SC5D: variants seen among roughly 807,000 people sequenced by gnomAD.
SC5D encodes lathosterol oxidase.
Under a neutral mutation model 23.9 loss-of-function variants are expected in SC5D, and 21 were observed. That is an observed-to-expected ratio of 0.88 (90% CI 0.62 to 1.26). The LOEUF (loss-of-function observed/expected upper bound fraction) is 1.26. Ranked by LOEUF, SC5D falls within the 50% of genes most tolerant of loss-of-function variation. The pLI is 0.00. For synonymous variants in SC5D, 113 were observed against 125.9 expected (o/e 0.90, Z 0.68); for missense variants, 309 against 364.8 (o/e 0.85, Z 1.25).
chr11:121,307,462 G>A lies in SC5D; in HGVS notation c.850G>A (p.Gly284Ser), dbSNP rs745732638. 1 of 1,608,930 alleles carries A rather than the reference G, an allele frequency of 6.2e-7. No individual in the cohort carries two copies. The highest frequency in any genetic ancestry group is 8.5e-7 in the Non-Finnish European group (1 of 1,178,304). ...AAAGCGCAGCAGCCATTCAGGAAATGGCTGTAAGAATGAAAAATTATTCAA... is the reference window on the plus strand; with the variant it reads ...AAAGCGCAGCAGCCATTCAGGAAATAGCTGTAAGAATGAAAAATTATTCAA... ...EGKRSSHSGN[G>S]CKNEKLFNGE... is the part of the protein sequence containing the mutation. The change falls in exon 5 of 5, where the codon GGC becomes AGC. Residue 284 changes from glycine (G) to serine (S), a missense_variant. By Grantham distance (56) the Gly-to-Ser change is moderately conservative. Coordinates refer to ENST00000264027, the MANE Select transcript of SC5D (RefSeq NM_006918.5).
intron 1 of SC5D, among the ~76,000 whole-genome samples, chr11:121,299,381 G>A (rs1033399401): frequency 3.3e-5 from 5 of 152,102 alleles, no homozygotes; most frequent in Admixed American, 6.5e-5. Flanking sequence ...ACATGCACAA[G>A]TATTTAACTT....
intron 1 of SC5D, among the ~76,000 whole-genome samples, chr11:121,295,411 C>T (rs959656291): frequency 1.3e-5 from 2 of 152,180 alleles, no homozygotes; most frequent in Non-Finnish European, 2.9e-5. Context: ...ATTAGCCTTC[C>T]ACTGAATGCA....
rs561005524 is a variant in SC5D, at chr11:121,295,468, G to A, written c.-11+2652G>A. ...AATCTGCATGTTTACATAAACAATAGGGCAGAGGAAGCAATCAGAAATCCA... is the reference window on the plus strand; with the variant it reads ...AATCTGCATGTTTACATAAACAATAAGGCAGAGGAAGCAATCAGAAATCCA... On this transcript the variant is annotated intron_variant, in intron 1 of 4. Coordinates refer to ENST00000264027, the MANE Select transcript of SC5D (RefSeq NM_006918.5). Among the ~76,000 whole-genome samples, 24 of 152,304 alleles carry A rather than the reference G, an allele frequency of 1.6e-4. No individual in the cohort carries two copies. In the South Asian group the frequency reaches 5.0e-3, roughly 32 times the overall value.
At chr11:121,303,842 G>T in intron 2 of SC5D, 1 of 387,854 alleles carries the variant, frequency 2.6e-6, no homozygotes. Flanking sequence ...TTTTTATGCT[G>T]ATATTGATGA....
rs1022575675 is a variant in SC5D at position 121,312,754 on chromosome 11, G to GTA, written c.*5253_*5254dup. Among the ~76,000 whole-genome samples the GTA allele has an allele frequency of 2.6e-5, 4 of 151,576 alleles. No individual in the cohort carries two copies. Among genetic ancestry groups the GTA allele is most frequent in the Non-Finnish European group, 4.4e-5 (3 of 67,876 alleles). On this transcript the variant is annotated 3_prime_UTR_variant, in exon 5 of 5. Coordinates refer to ENST00000264027, the MANE Select transcript of SC5D (RefSeq NM_006918.5). The stretch of plus-strand genomic sequence containing the variant: ...AGACCCTATCTCTAAAAATAAAAAA[G>GTA]TATATATATATAAAAATATCTTCCT...
At chr11:121,306,005 T>G (rs1947961596) in intron 3 of SC5D, 1 of 250,214 alleles carries the variant, frequency 4.0e-6, no homozygotes, top group Non-Finnish European at 7.8e-6. Flanking sequence ...TTTAAAGTAT[T>G]TAGTGGAAAG....
intron 1 of SC5D, among the ~76,000 whole-genome samples, chr11:121,298,841 A>T (rs1947907671): frequency 6.6e-6 from 1 of 152,204 alleles, no homozygotes; most frequent in Non-Finnish European, 1.5e-5. Flanking sequence ...GGGGTGGGGC[A>T]GTTTTGAAGG....
rs1375736694 is a variant in SC5D at position 121,310,551 on chromosome 11, G to A, written c.*3039G>A. ...TGGTTCACTGCAAGCTCCACCTCCCGGGTTCACGCCATTCTCCTGCCTCAG... is the reference window on the plus strand; with the variant it reads ...TGGTTCACTGCAAGCTCCACCTCCCAGGTTCACGCCATTCTCCTGCCTCAG... On this transcript the variant is annotated 3_prime_UTR_variant, in exon 5 of 5. Coordinates refer to ENST00000264027, the MANE Select transcript of SC5D (RefSeq NM_006918.5). 3.4e-5 allele frequency among the ~76,000 whole-genome samples: 5 copies of A among 148,606 alleles called. No individual in the cohort carries two copies. Among genetic ancestry groups the A allele is most frequent in the Middle Eastern group, 3.2e-3 (1 of 310 alleles).
At position 121,304,359 on chromosome 11, in the gene SC5D, A is replaced by G. The variant is rs1449451794; in HGVS notation, c.211-2A>G. On this transcript the variant is annotated splice_acceptor_variant, in intron 2 of 4. Coordinates refer to ENST00000264027, the MANE Select transcript of SC5D (RefSeq NM_006918.5). LOFTEE classifies it high-confidence loss of function. ...TTTAAGTATTGGAAATTTCACTTTC[A>G]GAATCAAGTCCGTCGAGAGATTAAG... 3 of 1,613,272 alleles carry G rather than the reference A, an allele frequency of 1.9e-6. No individual in the cohort carries two copies. Among genetic ancestry groups the G allele is most frequent in the Non-Finnish European group, 2.5e-6 (3 of 1,179,444 alleles).
chr11:121,297,512 C>T (rs532642700), intron 1 of SC5D, among the ~76,000 whole-genome samples: 26 of 152,274 alleles, frequency 1.7e-4, no homozygotes, highest in Non-Finnish European at 3.2e-4. Context: ...TCCATCTGAC[C>T]GAGGTGCCCA....
intron 1 of SC5D, among the ~76,000 whole-genome samples, chr11:121,302,574 G>A (rs1213528911): frequency 2.0e-5 from 3 of 152,080 alleles, no homozygotes; most frequent in Admixed American, 6.6e-5. Context: ...AAATGCCTTC[G>A]GTTCAACGGG....
intron 2 of SC5D, 130 bp downstream of exon 2, chr11:121,303,715 G>T (rs1384476460): frequency 5.8e-6 from 4 of 684,364 alleles, no homozygotes; most frequent in African/African-American, 1.8e-5. Context: ...ACCACAAATG[G>T]GTTAGATATT....
chr11:121,299,346 A>G (rs1947910763), intron 1 of SC5D, among the ~76,000 whole-genome samples: 1 of 152,196 alleles, frequency 6.6e-6, no homozygotes, highest in Admixed American at 6.5e-5. Context: ...TGTAATGAAC[A>G]TTTATTGCGT....
rs5795265 is a variant in SC5D at position 121,310,455 on chromosome 11, CTT to C, written c.*2961_*2962del. ...TGTTCAGCCCTTCTGTCTCCTGTCC[CTT>C]TTTTTTTTTTTTTTTTTGAGATGGA... On this transcript the variant is annotated 3_prime_UTR_variant, in exon 5 of 5. Transcript: ENST00000264027. Among the ~76,000 whole-genome samples, 93 of 111,172 alleles carry C rather than the reference CTT, an allele frequency of 8.4e-4. 1 individual carries two copies. The highest frequency in any genetic ancestry group is 7.9e-4 in the Non-Finnish European group (42 of 53,224). 72.9% of individuals were successfully genotyped at this position (111,172 alleles called of 152,430 possible).
intron 1 of SC5D, among the ~76,000 whole-genome samples, chr11:121,297,366 T>C (rs1356069731): frequency 6.6e-6 from 1 of 152,240 alleles, no homozygotes; most frequent in Non-Finnish European, 1.5e-5. Flanking sequence ...ATAATTCAGT[T>C]GAACTCACAG....
At chr11:121,298,953 C>T (rs1396331180) in intron 1 of SC5D, among the ~76,000 whole-genome samples, 1 of 152,118 alleles carries the variant, frequency 6.6e-6, no homozygotes, top group African/African-American at 2.4e-5. Flanking sequence ...AGGAATGTTA[C>T]AAGGTAATGT....
At chr11:121,294,074 TC>T (rs1947872385) in intron 1 of SC5D, among the ~76,000 whole-genome samples, 1 of 152,260 alleles carries the variant, frequency 6.6e-6, no homozygotes, top group Non-Finnish European at 1.5e-5. Context: ...GCTATCATTT[TC>T]TATACTTTTA....
Position 121,306,556 on chromosome 11 carries a change from T to C in SC5D, c.444+70T>C, listed in dbSNP as rs765045390. On this transcript the variant is annotated intron_variant, in intron 4 of 4. Transcript: ENST00000264027. ...AGCAATGTATGATTATAAATTCTGTTCTCTATTTCCAAGAATTTCCTCTAC... is the reference window on the plus strand; with the variant it reads ...AGCAATGTATGATTATAAATTCTGTCCTCTATTTCCAAGAATTTCCTCTAC... 9 of 823,950 alleles carry C rather than the reference T, an allele frequency of 1.1e-5. No individual in the cohort carries two copies. The African/African-American group carries it at 1.5e-4, about 14-fold the overall frequency. 51.0% of individuals were successfully genotyped at this position (823,950 alleles called of 1,614,324 possible).
Position 121,307,308 on chromosome 11 carries a change from C to T in SC5D, c.696C>T (p.His232=), listed in dbSNP as rs17854634. Residue 232 remains histidine, a synonymous_variant, in exon 5 of 5, where the codon CAC becomes CAT. Transcript: ENST00000264027. ...FINGSAHHTD[H]HMFFDYNYGQ... ...ATGGCTCAGCTCATCATACAGACCACCATATGTTCTTTGACTATAATTATG... is the reference window on the plus strand; with the variant it reads ...ATGGCTCAGCTCATCATACAGACCATCATATGTTCTTTGACTATAATTATG... 2 of 1,614,152 alleles carry T rather than the reference C, an allele frequency of 1.2e-6. No homozygotes were observed. Among genetic ancestry groups the T allele is most frequent in the Non-Finnish European group, 1.7e-6 (2 of 1,180,020 alleles).
Sources: gnomAD v4.1 joint callset for allele counts (sites outside exome capture counted in the v4.1 genomes callset) on GRCh38, gnomAD v4.1.1 for gene constraint, MANE v1.5 for transcripts, NCBI Gene and HGNC (gene_info 2026-07-23, HGNC 2026-07-21) for gene names.